The following SCD5 variants were observed in gnomAD, a reference collection of about 807,000 sequenced individuals.
SCD5 encodes stearoyl-CoA desaturase 5.
Under a neutral mutation model 30.4 loss-of-function variants are expected in SCD5, and 20 were observed. The ratio of observed to expected loss-of-function variants is 0.66; its 90% CI spans 0.46 to 0.96. The LOEUF (loss-of-function observed/expected upper bound fraction) is 0.96. Among genes scored for constraint, SCD5 ranks in the 40% least tolerant of loss-of-function variants. SCD5 has a pLI of 0.00. For missense variants in SCD5, 381 were observed against 443.3 expected, an observed-to-expected ratio of 0.86 and a Z score of 1.26; for synonymous variants, 173 against 176.4, an observed-to-expected ratio of 0.98 and a Z score of 0.16.
intron 3 of SCD5, among the ~76,000 whole-genome samples, chr4:82,670,020 ACC>A (rs1728274191): frequency 1.3e-5 from 2 of 152,114 alleles, no homozygotes; most frequent in Non-Finnish European, 2.9e-5. Context: ...TGTATCTCCT[ACC>A]CCCACACACC....
intron 2 of SCD5, among the ~76,000 whole-genome samples, chr4:82,687,858 A>C (rs1452028626): frequency 6.6e-6 from 1 of 152,218 alleles, no homozygotes; most frequent in Non-Finnish European, 1.5e-5. Flanking sequence ...TTTATGTTCA[A>C]AATAAATTCT....
chr4:82,718,085 A>T (rs902604825), intron 1 of SCD5, among the ~76,000 whole-genome samples: 1 of 149,040 alleles, frequency 6.7e-6, no homozygotes, highest in Non-Finnish European at 1.5e-5. Flanking sequence ...TTTTTTTTAA[A>T]AAAAAAAAAA....
At chr4:82,776,005 T>A (rs1721735138) in intron 1 of SCD5, 1 of 152,672 alleles carries the variant, frequency 6.5e-6, no homozygotes, top group Non-Finnish European at 1.5e-5. Flanking sequence ...TAGTCAGGAC[T>A]TCATCTCATG....
At chr4:82,639,076 G>A (rs968475596) in intron 3 of SCD5, among the ~76,000 whole-genome samples, 4 of 152,176 alleles carry the variant, frequency 2.6e-5, no homozygotes, top group African/African-American at 4.8e-5. Context: ...AAAAACATAC[G>A]TCAATGTGCT....
rs772680830 is a variant in SCD5 at position 82,798,359 on chromosome 4, GCCC to G, written c.176_178del (p.Gly59del). The G allele has an allele frequency of 6.2e-7, 1 of 1,613,336 alleles. No homozygotes were observed. Among genetic ancestry groups the G allele is most frequent in the Non-Finnish European group, 8.5e-7 (1 of 1,179,592 alleles). On this transcript the variant is annotated inframe_deletion, in exon 1 of 5. Coordinates refer to ENST00000319540, the MANE Select transcript of SCD5 (RefSeq NM_001037582.3). ...GGGGATGAGCACCAGGGAGTACACG[GCCC>G]CCAAGTGGAGCAAGCTCATCAGGAC...
chr4:82,652,901 C>T (rs936523420), intron 3 of SCD5, among the ~76,000 whole-genome samples: 1 of 152,104 alleles, frequency 6.6e-6, no homozygotes, highest in Admixed American at 6.6e-5. Flanking sequence ...ACCTGTAGTC[C>T]CGACACTTTG....
Position 82,653,941 on chromosome 4 carries a change from G to A in SCD5, c.570-17118C>T, listed in dbSNP as rs187734917. ...GTATTTTTTTTTTTTTTAATCAAACGGAGTCCTGCTCTGTCACCCAGGCTG... is the reference window on the plus strand; with the variant it reads ...GTATTTTTTTTTTTTTTAATCAAACAGAGTCCTGCTCTGTCACCCAGGCTG... On this transcript the variant is annotated intron_variant, in intron 3 of 4. Coordinates refer to ENST00000319540, the MANE Select transcript of SCD5 (RefSeq NM_001037582.3). 1.5e-4 allele frequency among the ~76,000 whole-genome samples: 23 copies of A among 150,516 alleles called. No homozygotes were observed. In the South Asian group the frequency reaches 4.0e-3, roughly 26 times the overall value.
chr4:82,677,824 T>C (rs1027312857), intron 3 of SCD5, among the ~76,000 whole-genome samples: 41 of 152,118 alleles, frequency 2.7e-4, no homozygotes, highest in African/African-American at 9.4e-4. Context: ...AGTTTGCTCA[T>C]AGGATGTATT....
intron 2 of SCD5, among the ~76,000 whole-genome samples, chr4:82,681,216 G>C (rs1728565634): frequency 6.6e-6 from 1 of 152,032 alleles, no homozygotes; most frequent in Admixed American, 6.6e-5. Flanking sequence ...TCTGGTGGGG[G>C]CGACTGAAGT....
intron 2 of SCD5, among the ~76,000 whole-genome samples, chr4:82,687,486 T>G (rs961063205): frequency 6.6e-6 from 1 of 152,254 alleles, no homozygotes; most frequent in African/African-American, 2.4e-5. Flanking sequence ...TTCTCCTCGA[T>G]GAAGCAGTTA....
chr4:82,702,473 C>T (rs919673687), intron 2 of SCD5, among the ~76,000 whole-genome samples: 1 of 152,038 alleles, frequency 6.6e-6, no homozygotes, highest in African/African-American at 2.4e-5. Context: ...CTAAAAGTAT[C>T]TCCACCTTTC....
intron 1 of SCD5, among the ~76,000 whole-genome samples, chr4:82,736,243 G>C (rs1720747467): frequency 6.6e-6 from 1 of 151,816 alleles, no homozygotes; most frequent in Non-Finnish European, 1.5e-5. Flanking sequence ...AGACAAGATT[G>C]TGTCACTGCA....
chr4:82,726,417 C>CA (rs398051208), intron 1 of SCD5, among the ~76,000 whole-genome samples: 49,813 of 108,486 alleles, frequency 0.46, 10,445 homozygotes, highest in African/African-American at 0.53. Context: ...AACTCTGTCT[C>CA]AAAAAAAAAA....
chr4:82,720,008 G>A (rs114155328), intron 1 of SCD5, among the ~76,000 whole-genome samples: 14,489 of 151,830 alleles, frequency 0.095, 847 homozygotes, highest in Admixed American at 0.15. Flanking sequence ...CACCAGGTTG[G>A]CCAGGCTGGT....
chr4:82,790,145 T>C (rs929104303), intron 1 of SCD5, among the ~76,000 whole-genome samples: 3 of 152,136 alleles, frequency 2.0e-5, no homozygotes, highest in African/African-American at 4.8e-5. Context: ...TGTCCCAGTG[T>C]CTTTCCTGAA....
rs568916071 is a variant in SCD5 at position 82,683,123 on chromosome 4, T to C, written c.364-2211A>G. Among the ~76,000 whole-genome samples, 5 of 152,316 alleles carry C rather than the reference T, an allele frequency of 3.3e-5. No individual in the cohort carries two copies. The South Asian group carries it at 1.0e-3, about 32-fold the overall frequency. ...CGACAAGCATATGTTCAGCTTTGAA[T>C]ATAAAGAGAGAAAACAGGAGCATGG... is the stretch of plus-strand genomic sequence containing the variant. On this transcript the variant is annotated intron_variant, in intron 2 of 4. Transcript: ENST00000319540.
chr4:82,681,599 T>C (rs781371091), intron 2 of SCD5, among the ~76,000 whole-genome samples: 13 of 151,858 alleles, frequency 8.6e-5, no homozygotes, highest in Non-Finnish European at 1.6e-4. Flanking sequence ...CATGGACACA[T>C]AGGGGAACAA....
chr4:82,712,277 T>TATATAC (rs1720118145), intron 1 of SCD5, among the ~76,000 whole-genome samples: 1 of 48,960 alleles, frequency 2.0e-5, no homozygotes, highest in African/African-American at 1.1e-4. Flanking sequence ...TATATATATA[T>TATATAC]ATATATATAT....
intron 1 of SCD5, among the ~76,000 whole-genome samples, chr4:82,796,927 A>C (rs1006916565): frequency 6.6e-6 from 1 of 152,184 alleles, no homozygotes; most frequent in Non-Finnish European, 1.5e-5. Context: ...TGAGAGAAGG[A>C]AAGATGAAGC....
Sources: gnomAD v4.1 joint callset for allele counts (sites outside exome capture counted in the v4.1 genomes callset) on GRCh38, gnomAD v4.1.1 for gene constraint, MANE v1.5 for transcripts, NCBI Gene and HGNC (gene_info 2026-07-23, HGNC 2026-07-21) for gene names.